FBXL7: variants seen among roughly 807,000 people sequenced by gnomAD.
The protein encoded by FBXL7 is F-box and leucine rich repeat protein 7.
Under a neutral mutation model 38.3 loss-of-function variants are expected in FBXL7, and 12 were observed. The ratio of observed to expected loss-of-function variants is 0.31; its 90% CI spans 0.20 to 0.51. FBXL7 has a LOEUF of 0.51. Among genes scored for constraint, FBXL7 ranks in the 20% least tolerant of loss-of-function variants. FBXL7 has a pLI of 0.98. For synonymous variants in FBXL7, 297 were observed against 300.9 expected, an observed-to-expected ratio of 0.99 and a Z score of 0.13; for missense variants, 567 against 676.4, an observed-to-expected ratio of 0.84 and a Z score of 1.79.
intron 2 of FBXL7, among the ~76,000 whole-genome samples, chr5:15,730,965 G>A (rs1002405063): frequency 6.6e-6 from 1 of 152,158 alleles, no homozygotes; most frequent in African/African-American, 2.4e-5. Context: ...TCATGAAGAT[G>A]TTAACAGGTG....
intron 2 of FBXL7, among the ~76,000 whole-genome samples, chr5:15,921,828 A>T (rs1741750155): frequency 6.6e-6 from 1 of 152,220 alleles, no homozygotes; most frequent in African/African-American, 2.4e-5. Flanking sequence ...ATCTGTTATC[A>T]AAAAGACAAG....
At chr5:15,522,374 A>G (rs982023002) in intron 1 of FBXL7, among the ~76,000 whole-genome samples, 1 of 152,170 alleles carries the variant, frequency 6.6e-6, no homozygotes, top group Admixed American at 6.5e-5. Flanking sequence ...TTTGTTTCTC[A>G]TAATTGTATT....
At chr5:15,622,038 T>C (rs1285817118) in intron 2 of FBXL7, among the ~76,000 whole-genome samples, 2 of 152,132 alleles carry the variant, frequency 1.3e-5, no homozygotes, top group African/African-American at 2.4e-5. Context: ...CATGCACAAA[T>C]AGCTAGAATA....
intron 2 of FBXL7, among the ~76,000 whole-genome samples, chr5:15,920,482 A>G (rs77520368): frequency 0.018 from 2,804 of 152,140 alleles, 38 homozygotes; most frequent in Non-Finnish European, 0.027. Context: ...TACTCTGTGT[A>G]TCTTCCTGCA....
chr5:15,664,693 A>G (rs887873932), intron 2 of FBXL7, among the ~76,000 whole-genome samples: 1 of 151,536 alleles, frequency 6.6e-6, no homozygotes, highest in African/African-American at 2.4e-5. Flanking sequence ...GATTGTCTCG[A>G]TCTCTTGACC....
intron 1 of FBXL7, among the ~76,000 whole-genome samples, chr5:15,516,813 C>T (rs1438439683): frequency 6.6e-6 from 1 of 152,034 alleles, no homozygotes. Flanking sequence ...GTCGGCATTT[C>T]TCCTTGCTGC....
chr5:15,857,649 A>C (rs1330869947), intron 2 of FBXL7, among the ~76,000 whole-genome samples: 1 of 152,266 alleles, frequency 6.6e-6, no homozygotes, highest in Non-Finnish European at 1.5e-5. Context: ...GATCAGGATC[A>C]AAGATTTTAA....
At chr5:15,752,495 T>G (rs2937076) in intron 2 of FBXL7, among the ~76,000 whole-genome samples, 62,377 of 151,946 alleles carry the variant, frequency 0.41, 13,879 homozygotes, top group South Asian at 0.54. Context: ...AGACCTCAGT[T>G]TCTCAGTGCA....
At position 15,928,533 on chromosome 5, in the gene FBXL7, C is replaced by A; in HGVS notation, c.739+32C>A. 1 of 1,579,478 alleles carries A rather than the reference C, an allele frequency of 6.3e-7. No individual in the cohort carries two copies. The highest frequency in any genetic ancestry group is 1.2e-5 in the South Asian group (1 of 85,222). The stretch of plus-strand genomic sequence containing the variant: ...GGACACTGACCTACCAGCTATGGGC[C>A]CTCCTGGTGCACCATCCTAAAACAG... On this transcript the variant is annotated intron_variant, in intron 3 of 3. Transcript: ENST00000504595. This position sits in a 1 kb window ranked among gnomAD's most constrained non-coding sequence, Gnocchi z 4.0.
At chr5:15,852,841 A>G (rs1465122924) in intron 2 of FBXL7, among the ~76,000 whole-genome samples, 5 of 152,178 alleles carry the variant, frequency 3.3e-5, no homozygotes, top group African/African-American at 4.8e-5. Context: ...GCCACTGTAC[A>G]TATGGAGCTT....
At chr5:15,715,557 G>A (rs1744021167) in intron 2 of FBXL7, among the ~76,000 whole-genome samples, 1 of 151,024 alleles carries the variant, frequency 6.6e-6, no homozygotes, top group Non-Finnish European at 1.5e-5. Flanking sequence ...GGACCAGATA[G>A]TGAATATGTT....
At chr5:15,573,338 G>A (rs902105506) in intron 1 of FBXL7, among the ~76,000 whole-genome samples, 1 of 152,142 alleles carries the variant, frequency 6.6e-6, no homozygotes, top group Non-Finnish European at 1.5e-5. Context: ...ACTAGAGAGA[G>A]GAGGAGGCAA....
chr5:15,805,460 A>T (rs1056796067), intron 2 of FBXL7, among the ~76,000 whole-genome samples: 1 of 152,182 alleles, frequency 6.6e-6, no homozygotes, highest in African/African-American at 2.4e-5. Context: ...ATTGAAACCT[A>T]ACTTTCTAAT....
At chr5:15,527,653 A>C (rs1005598804) in intron 1 of FBXL7, among the ~76,000 whole-genome samples, 1 of 152,248 alleles carries the variant, frequency 6.6e-6, no homozygotes, top group Non-Finnish European at 1.5e-5. Context: ...CTACCCAGTA[A>C]TAATCACTGT....
intron 2 of FBXL7, among the ~76,000 whole-genome samples, chr5:15,707,094 T>C (rs771377549): frequency 2.0e-4 from 31 of 151,974 alleles, no homozygotes; most frequent in Non-Finnish European, 4.0e-4. Context: ...ATATTTAACA[T>C]TGGGACAAGG....
chr5:15,638,243 G>A (rs541988104), intron 2 of FBXL7, among the ~76,000 whole-genome samples: 2 of 152,330 alleles, frequency 1.3e-5, no homozygotes, highest in African/African-American at 4.8e-5. Context: ...AGGAGCTGAT[G>A]TCTGATCCAG....
intron 2 of FBXL7, among the ~76,000 whole-genome samples, chr5:15,666,962 CA>C (rs1190168629): frequency 2.6e-5 from 4 of 152,134 alleles, no homozygotes; most frequent in Non-Finnish European, 2.9e-5. Flanking sequence ...ATTTTAACAG[CA>C]GTAATCTTTT....
chr5:15,554,949 T>C (rs1186046662), intron 1 of FBXL7, among the ~76,000 whole-genome samples: 2 of 152,240 alleles, frequency 1.3e-5, no homozygotes, highest in African/African-American at 4.8e-5. Flanking sequence ...AGAGTCACGC[T>C]GTGAAATATG....
At chr5:15,633,260 A>G (rs1286105080) in intron 2 of FBXL7, among the ~76,000 whole-genome samples, 1 of 152,148 alleles carries the variant, frequency 6.6e-6, no homozygotes, top group Admixed American at 6.5e-5. Flanking sequence ...AAGTTGGTTC[A>G]TATTCAAGGG....
Sources: gnomAD v4.1 joint callset for allele counts (sites outside exome capture counted in the v4.1 genomes callset) on GRCh38, gnomAD v4.1.1 for gene constraint, Gnocchi (gnomAD v3.1) non-coding constraint, MANE v1.5 for transcripts, NCBI Gene and HGNC (gene_info 2026-07-23, HGNC 2026-07-21) for gene names.